Variants in PTPRD observed in about 807,000 individuals in gnomAD.
The protein encoded by PTPRD is protein tyrosine phosphatase receptor type D.
Under a neutral mutation model 214.5 loss-of-function variants are expected in PTPRD, and 34 were observed. The observed-to-expected ratio is 0.16, with a 90% CI of 0.12 to 0.21. The LOEUF is 0.21. Among genes scored for constraint, PTPRD ranks in the 10% least tolerant of loss-of-function variants. PTPRD has a pLI of 1.00. For missense variants in PTPRD, 2,545 were observed against 2,398.7 expected, an observed-to-expected ratio of 1.06 and a Z score of -1.27; for synonymous variants, 1,128 against 845.7, an observed-to-expected ratio of 1.33 and a Z score of -5.79.
At chr9:9,785,451 A>T (rs1054657660) in intron 5 of PTPRD, among the ~76,000 whole-genome samples, 1 of 152,124 alleles carries the variant, frequency 6.6e-6, no homozygotes, top group African/African-American at 2.4e-5. Context: ...AAAGGACACA[A>T]CATAGTTTCT....
intron 10 of PTPRD, among the ~76,000 whole-genome samples, chr9:9,116,956 T>C (rs2099812938): frequency 6.6e-6 from 1 of 152,166 alleles, no homozygotes; most frequent in African/African-American, 2.4e-5. Flanking sequence ...GATACATATT[T>C]GTCCAATAAA....
intron 4 of PTPRD, among the ~76,000 whole-genome samples, chr9:9,972,973 G>A (rs1018837339): frequency 6.6e-6 from 1 of 152,048 alleles, no homozygotes; most frequent in African/African-American, 2.4e-5. Flanking sequence ...TTAAATTAAG[G>A]CATAGACATC....
chr9:9,034,116 G>A (rs2099614154), intron 10 of PTPRD, among the ~76,000 whole-genome samples: 1 of 152,104 alleles, frequency 6.6e-6, no homozygotes, highest in African/African-American at 2.4e-5. Flanking sequence ...GTCACATGAA[G>A]GAAAACAAAG....
chr9:8,625,865 T>C (rs1349703920), intron 14 of PTPRD, among the ~76,000 whole-genome samples: 1 of 149,236 alleles, frequency 6.7e-6, no homozygotes, highest in African/African-American at 2.5e-5. Context: ...GATTGCCCAG[T>C]AGTTAAAAAA....
Position 9,467,588 on chromosome 9 carries a change from C to CAAAAAAAAA in PTPRD, c.-236-70115_-236-70107dup, listed in dbSNP as rs1176159031. Among the ~76,000 whole-genome samples the CAAAAAAAAA allele has an allele frequency of 3.8e-3, 212 of 55,922 alleles. 11 individuals carry two copies. Among genetic ancestry groups the CAAAAAAAAA allele is most frequent in the African/African-American group, 0.012 (185 of 15,248 alleles). 36.7% of individuals were successfully genotyped at this position (55,922 alleles called of 152,430 possible). A position where few individuals can be genotyped will look rare whatever the true frequency, so the allele number is the denominator to read the frequency against. ...GGCGACAGAGCGGGACTCCATCTCCCAAAAAAAAAAAAAAAAAAAAAAGTT... is the reference window on the plus strand; with the variant it reads ...GGCGACAGAGCGGGACTCCATCTCCCAAAAAAAAAAAAAAAAAAAAAAAAAAAAAAAGTT... On this transcript the variant is annotated intron_variant, in intron 8 of 45. Coordinates refer to ENST00000381196, the MANE Select transcript of PTPRD (RefSeq NM_002839.4).
rs572159136 is a variant in PTPRD, at chr9:10,428,177, G to C, written c.-599-87160C>G. Among the ~76,000 whole-genome samples the C allele has an allele frequency of 7.9e-5, 12 of 151,976 alleles. No individual in the cohort carries two copies. The South Asian group carries it at 2.5e-3, about 32-fold the overall frequency. Reference sequence around the variant, plus strand: ...TAAAAATAAAAAAATAAAATAGCTGGGTGTGGTGGCTCATGGCTGTAATCC... The same window carrying C: ...TAAAAATAAAAAAATAAAATAGCTGCGTGTGGTGGCTCATGGCTGTAATCC... On this transcript the variant is annotated intron_variant, in intron 2 of 45. Coordinates refer to ENST00000381196, the MANE Select transcript of PTPRD (RefSeq NM_002839.4).
At chr9:8,891,771 C>T (rs570780007) in intron 11 of PTPRD, among the ~76,000 whole-genome samples, 1 of 152,150 alleles carries the variant, frequency 6.6e-6, no homozygotes, top group Admixed American at 6.5e-5. Flanking sequence ...TTAGGAATTG[C>T]CACAGAGTTC....
At chr9:9,624,074 G>C (rs2095337147) in intron 7 of PTPRD, among the ~76,000 whole-genome samples, 1 of 152,142 alleles carries the variant, frequency 6.6e-6, no homozygotes, top group African/African-American at 2.4e-5. Flanking sequence ...CCAATGACAT[G>C]ATCGTCATAA....
In PTPRD at chr9:9,104,384, T is replaced by C. The variant is rs77920227; in HGVS notation, c.-143+78920A>G. On this transcript the variant is annotated intron_variant, in intron 10 of 45. Coordinates refer to ENST00000381196, the MANE Select transcript of PTPRD (RefSeq NM_002839.4). ...GCTCTATAAAAACAGATAAGGTAAG[T>C]AGACAGGAAGATGGCTTTAGCCAAC... 5.9e-3 allele frequency among the ~76,000 whole-genome samples: 893 copies of C among 152,324 alleles called. 8 individuals are homozygous for C. Among genetic ancestry groups the C allele is most frequent in the African/African-American group, 0.02 (847 of 41,576 alleles).
At chr9:8,562,227 A>G (rs2086675940) in intron 14 of PTPRD, among the ~76,000 whole-genome samples, 1 of 152,128 alleles carries the variant, frequency 6.6e-6, no homozygotes, top group African/African-American at 2.4e-5. Flanking sequence ...AAAAGTACTG[A>G]GGACTCATTA....
At chr9:8,739,638 T>A (rs181688185) in intron 11 of PTPRD, among the ~76,000 whole-genome samples, 410 of 152,258 alleles carry the variant, frequency 2.7e-3, no homozygotes, top group African/African-American at 9.5e-3. Flanking sequence ...GTCCTTGGCT[T>A]CCCAATAACC....
chr9:10,342,513 A>C (rs977577587), intron 2 of PTPRD, among the ~76,000 whole-genome samples: 13 of 152,078 alleles, frequency 8.5e-5, no homozygotes, highest in Non-Finnish European at 1.8e-4. Context: ...TATAACAACT[A>C]ATTATACACT....
chr9:8,981,062 C>A (rs772444357), intron 11 of PTPRD, among the ~76,000 whole-genome samples: 1 of 152,044 alleles, frequency 6.6e-6, no homozygotes, highest in Non-Finnish European at 1.5e-5. Context: ...TCCGGCACCT[C>A]GCTAACGGAA....
intron 12 of PTPRD, among the ~76,000 whole-genome samples, chr9:8,639,428 G>A (rs948577499): frequency 6.7e-6 from 1 of 149,296 alleles, no homozygotes; most frequent in African/African-American, 2.6e-5. Flanking sequence ...CTTGTCCATA[G>A]CCTAAAAACT....
At chr9:9,993,442 A>T (rs1222182991) in intron 4 of PTPRD, among the ~76,000 whole-genome samples, 1 of 152,248 alleles carries the variant, frequency 6.6e-6, no homozygotes, top group East Asian at 1.9e-4. Flanking sequence ...TAGTGGTGAG[A>T]TGATCTTATA....
intron 11 of PTPRD, among the ~76,000 whole-genome samples, chr9:8,945,278 G>C (rs1013466204): frequency 6.6e-6 from 1 of 151,838 alleles, no homozygotes; most frequent in African/African-American, 2.4e-5. Flanking sequence ...CTTAAGGCCT[G>C]AATTATTAAT....
In PTPRD at chr9:10,209,212, G is replaced by A. The variant is rs185208225; in HGVS notation, c.-545+131751C>T. Reference sequence around the variant, plus strand: ...CAACTTTTCCAAGGAGTCCATAATAGCAAGGATTTGGAAAGAAGTAAAATA... The same window carrying A: ...CAACTTTTCCAAGGAGTCCATAATAACAAGGATTTGGAAAGAAGTAAAATA... On this transcript the variant is annotated intron_variant, in intron 3 of 45. Transcript: ENST00000381196. Among the ~76,000 whole-genome samples, 13 of 152,156 alleles carry A rather than the reference G, an allele frequency of 8.5e-5. No individual in the cohort carries two copies. In the East Asian group the frequency reaches 2.3e-3, roughly 27 times the overall value.
In PTPRD at chr9:8,754,044, C is replaced by G. The variant is rs148276940; in HGVS notation, c.-103-20098G>C. On this transcript the variant is annotated intron_variant, in intron 11 of 45. Transcript: ENST00000381196. The stretch of plus-strand genomic sequence containing the variant: ...CCTGTAATCCCAGCTAGTCAGGAGG[C>G]TGAAGCAGGAGAATCACTTGAAATC... 7.1e-3 allele frequency among the ~76,000 whole-genome samples: 1,082 copies of G among 152,244 alleles called. 8 individuals carry two copies. The highest frequency in any genetic ancestry group is 0.027 in the South Asian group (130 of 4,824).
At chr9:10,094,008 G>A (rs1410345069) in intron 3 of PTPRD, among the ~76,000 whole-genome samples, 1 of 151,172 alleles carries the variant, frequency 6.6e-6, no homozygotes, top group Non-Finnish European at 1.5e-5. Context: ...CTGGGTGATA[G>A]GATCATCTGT....
Sources: gnomAD v4.1 joint callset for allele counts (sites outside exome capture counted in the v4.1 genomes callset) on GRCh38, gnomAD v4.1.1 for gene constraint, MANE v1.5 for transcripts, NCBI Gene and HGNC (gene_info 2026-07-23, HGNC 2026-07-21) for gene names.